The following DRC11 variants were observed in gnomAD, a reference collection of about 807,000 sequenced individuals.
The protein encoded by DRC11 is IQ and AAA domain-containing protein 1.
chr2:236,398,539 C>G, the DRC11 span, among the ~76,000 whole-genome samples: 4 of 152,222 alleles, frequency 2.6e-5, no homozygotes, highest in African/African-American at 9.6e-5. This position sits in a 1 kb window ranked among gnomAD's most constrained non-coding sequence, Gnocchi z 6.2. Flanking sequence ...ATCCGGATTG[C>G]AACTTTCAGA....
At chr2:236,494,077 G>A in the DRC11 span, among the ~76,000 whole-genome samples, 1 of 152,064 alleles carries the variant, frequency 6.6e-6, no homozygotes, top group East Asian at 1.9e-4. This position sits in a 1 kb window ranked among gnomAD's most constrained non-coding sequence, Gnocchi z 4.2. Flanking sequence ...AAGTCAGAAA[G>A]AAAATCATAA....
At chr2:236,321,462 T>A in the DRC11 span, among the ~76,000 whole-genome samples, 1 of 151,988 alleles carries the variant, frequency 6.6e-6, no homozygotes, top group South Asian at 2.1e-4. Flanking sequence ...TATGAGTATG[T>A]GTGTGAGTAT....
chr2:236,344,895 G>C, the DRC11 span, among the ~76,000 whole-genome samples: 1 of 149,606 alleles, frequency 6.7e-6, no homozygotes, highest in Admixed American at 6.7e-5. Flanking sequence ...GGGGTGTGCA[G>C]AGCCCTGGTT....
the DRC11 span, among the ~76,000 whole-genome samples, chr2:236,329,621 C>A: frequency 3.9e-5 from 6 of 152,250 alleles, no homozygotes; most frequent in African/African-American, 1.2e-4. Context: ...AATGGTATCA[C>A]ATTATTCAGG....
chr2:236,401,739 G>A, the DRC11 span, among the ~76,000 whole-genome samples: 1 of 151,612 alleles, frequency 6.6e-6, no homozygotes, highest in African/African-American at 2.4e-5. The surrounding 1 kb of genome is among the most constrained non-coding windows in gnomAD (Gnocchi z 4.6). Context: ...GCAGATCAGT[G>A]GTGCCAGGGG....
At chr2:236,413,379 T>G in the DRC11 span, among the ~76,000 whole-genome samples, 1 of 152,332 alleles carries the variant, frequency 6.6e-6, no homozygotes, top group South Asian at 2.1e-4. The surrounding 1 kb of genome is among the most constrained non-coding windows in gnomAD (Gnocchi z 4.0). Flanking sequence ...CTTCTCTTAT[T>G]GTATTTCAGT....
the DRC11 span, among the ~76,000 whole-genome samples, chr2:236,440,245 C>T: frequency 1.3e-5 from 2 of 152,108 alleles, no homozygotes; most frequent in Non-Finnish European, 2.9e-5. Context: ...TGTGAAGTAG[C>T]GTAGGGTAAA....
At chr2:236,416,708 C>CATATATATATATTTATATATATATATAT in the DRC11 span, among the ~76,000 whole-genome samples, 1 of 74,588 alleles carries the variant, frequency 1.3e-5, no homozygotes, top group Admixed American at 1.7e-4. Context: ...TATTTATTTA[C>CATATATATATATTTATATATATATATAT]ATATATATAT....
At chr2:236,446,205 C>T in the DRC11 span, among the ~76,000 whole-genome samples, 1 of 152,170 alleles carries the variant, frequency 6.6e-6, no homozygotes, top group African/African-American at 2.4e-5. The surrounding 1 kb of genome is among the most constrained non-coding windows in gnomAD (Gnocchi z 6.2). Context: ...CAGTCGGTCC[C>T]GCTCCTGTTG....
the DRC11 span, among the ~76,000 whole-genome samples, chr2:236,328,871 C>T: frequency 6.6e-6 from 1 of 152,198 alleles, no homozygotes; most frequent in Non-Finnish European, 1.5e-5. The surrounding 1 kb of genome is among the most constrained non-coding windows in gnomAD (Gnocchi z 6.7). Flanking sequence ...TTTCCGGAAA[C>T]ATGGTGGCTT....
the DRC11 span, among the ~76,000 whole-genome samples, chr2:236,318,719 C>G: frequency 2.0e-5 from 3 of 152,044 alleles, no homozygotes; most frequent in East Asian, 3.9e-4. The surrounding 1 kb of genome is among the most constrained non-coding windows in gnomAD (Gnocchi z 7.0). Context: ...TATGAATGCC[C>G]TGTGTGTGTG....
At chr2:236,363,904 T>G in the DRC11 span, 4 of 1,613,900 alleles carry the variant, frequency 2.5e-6, no homozygotes, top group Non-Finnish European at 3.4e-6. The surrounding 1 kb of genome is among the most constrained non-coding windows in gnomAD (Gnocchi z 5.6). Context: ...GACCAGCATT[T>G]TCTTCCCTAC....
chr2:236,357,653 T>C, the DRC11 span, among the ~76,000 whole-genome samples: 4 of 96,172 alleles, frequency 4.2e-5, no homozygotes, highest in Non-Finnish European at 6.1e-5. Flanking sequence ...AATATATAAA[T>C]TATATTCATA....
chr2:236,338,624 G>A, the DRC11 span, among the ~76,000 whole-genome samples: 7,604 of 152,224 alleles, frequency 0.05, 601 homozygotes, highest in African/African-American at 0.17. Flanking sequence ...TAGAGGGTGG[G>A]AAGGAAGGAA....
At chr2:236,423,798 A>G in the DRC11 span, among the ~76,000 whole-genome samples, 1 of 152,172 alleles carries the variant, frequency 6.6e-6, no homozygotes, top group Non-Finnish European at 1.5e-5. Context: ...CTTGGAACCA[A>G]CCCAAATGTC....
chr2:236,349,883 TAAAAAC>T, the DRC11 span, among the ~76,000 whole-genome samples: 12 of 152,252 alleles, frequency 7.9e-5, no homozygotes, highest in South Asian at 6.2e-4. This position sits in a 1 kb window ranked among gnomAD's most constrained non-coding sequence, Gnocchi z 5.5. Context: ...AAATAAAAGT[TAAAAAC>T]AAAAACAAAA....
the DRC11 span, chr2:236,368,240 G>A: frequency 1.2e-6 from 2 of 1,611,614 alleles, no homozygotes; most frequent in East Asian, 4.5e-5. Flanking sequence ...TGACATCCAG[G>A]AGGGAGGGCA....
the DRC11 span, among the ~76,000 whole-genome samples, chr2:236,357,989 T>TATATATGAATATATATAATATATAG: frequency 7.2e-4 from 81 of 113,064 alleles, 1 homozygote; most frequent in African/African-American, 2.8e-3. Context: ...CATATATAAA[T>TATATATGAATATATATAATATATAG]ATATATGAAT....
the DRC11 span, chr2:236,419,210 T>C: frequency 1.3e-6 from 2 of 1,545,932 alleles, no homozygotes; most frequent in Middle Eastern, 1.7e-4. The surrounding 1 kb of genome is among the most constrained non-coding windows in gnomAD (Gnocchi z 4.8). Context: ...TTTTTCCTTT[T>C]TCTTCTTCTT....
Sources: allele counts gnomAD v4.1 joint callset (sites outside exome capture counted in the v4.1 genomes callset), GRCh38; gene constraint gnomAD v4.1.1; non-coding constraint Gnocchi (gnomAD v3.1); transcripts MANE v1.5; gene names NCBI Gene and HGNC (gene_info 2026-07-23, HGNC 2026-07-21).